The following TDRP variants were observed in gnomAD, a reference collection of about 807,000 sequenced individuals.
TDRP encodes testis development related protein, also known as testis development-related protein.
In TDRP, 12 loss-of-function variants were observed where a neutral mutation model predicts 10.5. That is an observed-to-expected ratio of 1.15 (90% CI 0.73 to 1.86). The LOEUF is 1.86. Ranked by LOEUF, TDRP falls within the 40% of genes most tolerant of loss-of-function variation. TDRP has a pLI of 0.00. For missense variants in TDRP, 353 were observed against 229.2 expected (o/e 1.54, Z -3.49); for synonymous variants, 139 against 95.4 (o/e 1.46, Z -2.67).
At chr8:519,830 C>G (rs1340656634) in intron 1 of TDRP, among the ~76,000 whole-genome samples, 2 of 152,186 alleles carry the variant, frequency 1.3e-5, no homozygotes, top group Non-Finnish European at 2.9e-5. Context: ...GATGGCTCAT[C>G]TTGAATTATT....
chr8:535,985 T>C (rs1041605531), intron 1 of TDRP, among the ~76,000 whole-genome samples: 30 of 152,158 alleles, frequency 2.0e-4, no homozygotes, highest in Admixed American at 1.9e-3. Context: ...CTAATAAGAA[T>C]AGCAGCTTTT....
intron 1 of TDRP, among the ~76,000 whole-genome samples, chr8:517,116 G>C (rs1801777042): frequency 6.6e-6 from 1 of 152,116 alleles, no homozygotes; most frequent in African/African-American, 2.4e-5. Context: ...TTGGCGCTCA[G>C]GCAAAACTGA....
chr8:501,139 G>C (rs1387839946), intron 1 of TDRP, among the ~76,000 whole-genome samples: 1 of 151,734 alleles, frequency 6.6e-6, no homozygotes, highest in Non-Finnish European at 1.5e-5. Context: ...CGAGGAGGTG[G>C]AGCTTGCAGT....
At chr8:543,336 A>C (rs12544605) in intron 1 of TDRP, among the ~76,000 whole-genome samples, 1 of 151,936 alleles carries the variant, frequency 6.6e-6, no homozygotes, top group African/African-American at 2.4e-5. Flanking sequence ...AAAACTTAAG[A>C]AAAAAAAGTG....
chr8:540,472 A>G (rs138820395), intron 1 of TDRP, among the ~76,000 whole-genome samples: 4 of 152,358 alleles, frequency 2.6e-5, no homozygotes, highest in African/African-American at 9.6e-5. Context: ...AACTTTGAAG[A>G]AGTTAAGACC....
chr8:491,991 C>G lies in TDRP; in HGVS notation c.*408G>C. ...CTAATTTTCTAGCAAAAGAAAAGAA[C>G]TGCATGACAGCTGCATTTATACGTG... On this transcript the variant is annotated 3_prime_UTR_variant, in exon 3 of 3. Coordinates refer to ENST00000324079, the MANE Select transcript of TDRP (RefSeq NM_001384899.1). The G allele has an allele frequency of 2.7e-6, 3 of 1,117,438 alleles. No individual in the cohort carries two copies. The highest frequency in any genetic ancestry group is 3.3e-6 in the Non-Finnish European group (3 of 916,512). The allele number at this position is 1,117,438 out of a possible 1,614,324, so 69.2% of individuals were successfully genotyped here.
intron 1 of TDRP, among the ~76,000 whole-genome samples, chr8:529,961 A>G (rs1282741833): frequency 1.3e-5 from 2 of 152,120 alleles, no homozygotes; most frequent in East Asian, 3.9e-4. Context: ...CTTTATTCAA[A>G]TAAGCTCTCT....
chr8:491,607 G>A lies in TDRP; in HGVS notation c.*792C>T, dbSNP rs759556093. 2 of 1,530,340 alleles carry A rather than the reference G, an allele frequency of 1.3e-6. No homozygotes were observed. Among genetic ancestry groups the A allele is most frequent in the South Asian group, 1.2e-5 (1 of 82,534 alleles). 94.8% of individuals were successfully genotyped at this position (1,530,340 alleles called of 1,614,324 possible). A position where few individuals can be genotyped will look rare whatever the true frequency, so the allele number is the denominator to read the frequency against. ...ATGCACAGTCTTAACTCTCTATAAT[G>A]AGCAAGACAATGTTTCCTAAATGAA... On this transcript the variant is annotated 3_prime_UTR_variant, in exon 3 of 3. Coordinates refer to ENST00000324079, the MANE Select transcript of TDRP (RefSeq NM_001384899.1).
chr8:523,584 G>A (rs145035952), intron 1 of TDRP, among the ~76,000 whole-genome samples: 4 of 152,318 alleles, frequency 2.6e-5, no homozygotes, highest in African/African-American at 9.6e-5. Context: ...TGAAGGATAT[G>A]TCCTAGGCCT....
rs746343061 is a variant in TDRP at position 492,414 on chromosome 8, C to T, written c.543G>A (p.Pro181=). The change falls in exon 3 of 3, where the codon CCG becomes CCA. Residue 181 remains proline (P), a synonymous_variant. Coordinates refer to ENST00000324079, the MANE Select transcript of TDRP (RefSeq NM_001384899.1). The part of the protein sequence containing the change: ...RQSKGHLTDS[P]EEAE Reference sequence around the variant, plus strand: ...GCAGCCCCCCTCACTCCGCCTCCTCCGGGCTATCTGTCAGGTGGCCTTTAC... The same window carrying T: ...GCAGCCCCCCTCACTCCGCCTCCTCTGGGCTATCTGTCAGGTGGCCTTTAC... 29 of 1,556,146 alleles carry T rather than the reference C, an allele frequency of 1.9e-5. No homozygotes were observed. Among genetic ancestry groups the T allele is most frequent in the Non-Finnish European group, 2.4e-5 (27 of 1,147,684 alleles).
At chr8:527,010 T>C (rs1438817813) in intron 1 of TDRP, among the ~76,000 whole-genome samples, 2 of 152,070 alleles carry the variant, frequency 1.3e-5, no homozygotes, top group African/African-American at 4.8e-5. Flanking sequence ...ATCCCAGCAT[T>C]TTGGGAGGCT....
Position 491,493 on chromosome 8 carries a change from C to G in TDRP, c.*906G>C. ...TATTCTTGTGGAAAAAACACAGCTTCTTACAGATCTAACACCAATCACAAT... is the reference window on the plus strand; with the variant it reads ...TATTCTTGTGGAAAAAACACAGCTTGTTACAGATCTAACACCAATCACAAT... On this transcript the variant is annotated 3_prime_UTR_variant, in exon 3 of 3. Transcript: ENST00000324079. 1 of 956,266 alleles carries G rather than the reference C, an allele frequency of 1.0e-6. No individual in the cohort carries two copies. The highest frequency in any genetic ancestry group is 1.4e-6 in the Non-Finnish European group (1 of 692,508). The allele number at this position is 956,266 out of a possible 1,614,324, so 59.2% of individuals were successfully genotyped here.
chr8:515,355 T>C (rs1439090975), intron 1 of TDRP, among the ~76,000 whole-genome samples: 2 of 152,242 alleles, frequency 1.3e-5, no homozygotes, highest in East Asian at 1.9e-4. Flanking sequence ...GTGTTGTCTA[T>C]ATTAGCACAC....
At chr8:522,883 T>G (rs1801943396) in intron 1 of TDRP, among the ~76,000 whole-genome samples, 1 of 152,200 alleles carries the variant, frequency 6.6e-6, no homozygotes, top group Admixed American at 6.5e-5. Flanking sequence ...CATGGAATCT[T>G]TTTCCATATT....
At chr8:509,339 A>T (rs768267420) in intron 1 of TDRP, among the ~76,000 whole-genome samples, 2 of 152,168 alleles carry the variant, frequency 1.3e-5, no homozygotes, top group Non-Finnish European at 1.5e-5. Context: ...GAGGTTCTCC[A>T]TGAGTGCTCT....
intron 1 of TDRP, among the ~76,000 whole-genome samples, chr8:506,343 G>T (rs1217605979): frequency 2.0e-5 from 3 of 152,156 alleles, no homozygotes; most frequent in African/African-American, 7.2e-5. Flanking sequence ...AATCCACTCA[G>T]ATCAGCCACA....
At chr8:509,909 G>T (rs1801566667) in intron 1 of TDRP, among the ~76,000 whole-genome samples, 1 of 152,204 alleles carries the variant, frequency 6.6e-6, no homozygotes, top group African/African-American at 2.4e-5. Context: ...TAAGCTAAAT[G>T]GAAAAGTCAA....
chr8:527,417 A>G (rs1039294735), intron 1 of TDRP, among the ~76,000 whole-genome samples: 22 of 152,148 alleles, frequency 1.4e-4, no homozygotes, highest in Non-Finnish European at 2.9e-4. Context: ...AAAAAATCCT[A>G]AAATGTATAT....
chr8:510,695 A>G (rs568655207), intron 1 of TDRP, among the ~76,000 whole-genome samples: 3 of 152,360 alleles, frequency 2.0e-5, no homozygotes, highest in African/African-American at 7.2e-5. Flanking sequence ...ATAAATCTGA[A>G]CTTCTTGTTA....
Sources: allele counts gnomAD v4.1 joint callset (sites outside exome capture counted in the v4.1 genomes callset), GRCh38; gene constraint gnomAD v4.1.1; transcripts MANE v1.5; gene names NCBI Gene and HGNC (gene_info 2026-07-23, HGNC 2026-07-21).